Variants in ZC3H12B observed in about 807,000 individuals in gnomAD.
ZC3H12B encodes the protein probable ribonuclease ZC3H12B.
ZC3H12B carries 7 observed loss-of-function variants against 43.9 expected under a neutral mutation model. The ratio of observed to expected loss-of-function variants is 0.16; its 90% CI spans 0.09 to 0.30. ZC3H12B has a LOEUF of 0.30. Ranked by LOEUF, ZC3H12B falls within the 10% of genes least tolerant of loss-of-function variation. The probability of loss-of-function intolerance (pLI) is 1.00; values close to 1 mark genes in which losing one functional copy is unlikely to be tolerated. For synonymous variants in ZC3H12B, 222 were observed against 241.7 expected (o/e 0.92, Z 0.76); for missense variants, 475 against 670.2 (o/e 0.71, Z 3.22).
At chrX:65,430,809 G>A (rs969775456) in intron 3 of ZC3H12B, among the ~76,000 whole-genome samples, 1 of 111,123 alleles carries the variant, frequency 9.0e-6, no homozygotes, top group Admixed American at 9.5e-5. Flanking sequence ...GGCTGAGGAT[G>A]GGGGTTCACT....
chrX:65,368,393 G>C (rs911434272), intron 1 of ZC3H12B, among the ~76,000 whole-genome samples: 17 of 111,608 alleles, frequency 1.5e-4, no homozygotes, highest in African/African-American at 5.5e-4. Context: ...TACCTAATCT[G>C]TAAATCATAG....
At chrX:65,218,639 C>A in the ZC3H12B span, among the ~76,000 whole-genome samples, 2 of 110,719 alleles carry the variant, frequency 1.8e-5, no homozygotes, top group African/African-American at 6.6e-5. Flanking sequence ...AACCACACCC[C>A]CATCCCCCAC....
the ZC3H12B span, among the ~76,000 whole-genome samples, chrX:65,068,252 A>C: frequency 9.1e-6 from 1 of 109,724 alleles, no homozygotes; most frequent in Non-Finnish European, 1.9e-5. Context: ...CTGATAAGTA[A>C]GAACTCCTGC....
At chrX:65,133,954 A>G in the ZC3H12B span, among the ~76,000 whole-genome samples, 1 of 111,477 alleles carries the variant, frequency 9.0e-6, no homozygotes, top group Non-Finnish European at 1.9e-5. Context: ...CAGGTCTTGT[A>G]AAATGGAGAA....
the ZC3H12B span, among the ~76,000 whole-genome samples, chrX:65,089,514 T>G: frequency 2.1e-4 from 23 of 112,103 alleles, no homozygotes; most frequent in Admixed American, 2.2e-3. Context: ...TGTGAAGGCC[T>G]GCTACATTAC....
At chrX:65,471,986 C>CA (rs2067921610) in intron 3 of ZC3H12B, among the ~76,000 whole-genome samples, 1 of 111,753 alleles carries the variant, frequency 8.9e-6, no homozygotes, top group South Asian at 3.7e-4. Flanking sequence ...ACTCCTTTAG[C>CA]ATTTCTTGTA....
chrX:65,383,619 A>C (rs2066476565), intron 2 of ZC3H12B, among the ~76,000 whole-genome samples: 1 of 111,185 alleles, frequency 9.0e-6, no homozygotes, highest in African/African-American at 3.3e-5. Context: ...TAATTAAACT[A>C]AAGAGCTTCT....
chrX:65,408,517 T>C, intron 3 of ZC3H12B: 2 of 1,207,754 alleles, frequency 1.7e-6, no homozygotes, highest in Non-Finnish European at 2.2e-6. Context: ...CCCTTACGCC[T>C]CACCCTTCGG....
chrX:65,048,580 T>G, the ZC3H12B span, among the ~76,000 whole-genome samples: 1 of 111,577 alleles, frequency 9.0e-6, no homozygotes, highest in Non-Finnish European at 1.9e-5. Flanking sequence ...ATTTCCTTTT[T>G]AAAGTAAATT....
chrX:65,335,996 T>G, the ZC3H12B span, among the ~76,000 whole-genome samples: 1 of 111,741 alleles, frequency 8.9e-6, no homozygotes, highest in Non-Finnish European at 1.9e-5. Context: ...ACTGACCAGT[T>G]TGCTAGGCCA....
the ZC3H12B span, among the ~76,000 whole-genome samples, chrX:65,309,657 A>T: frequency 3.6e-5 from 4 of 112,347 alleles, no homozygotes; most frequent in South Asian, 1.1e-3. Context: ...TGCCAGCATC[A>T]TTCTGATACC....
the ZC3H12B span, among the ~76,000 whole-genome samples, chrX:65,342,071 T>C: frequency 1.8e-5 from 2 of 110,044 alleles, no homozygotes; most frequent in Admixed American, 9.7e-5. Context: ...TAGAGAAAGA[T>C]CTACCAAGCA....
the ZC3H12B span, among the ~76,000 whole-genome samples, chrX:65,141,765 GT>G: frequency 1.8e-4 from 20 of 111,338 alleles, no homozygotes; most frequent in Non-Finnish European, 3.2e-4. Context: ...AACATACGAT[GT>G]TTGGTTTTCC....
At chrX:65,330,785 G>T in the ZC3H12B span, 1 of 155,028 alleles carries the variant, frequency 6.5e-6, no homozygotes. Flanking sequence ...GCTTTTTGAT[G>T]TGTTGCTGGA....
the ZC3H12B span, among the ~76,000 whole-genome samples, chrX:65,310,774 G>T: frequency 8.9e-6 from 1 of 111,834 alleles, no homozygotes; most frequent in Non-Finnish European, 1.9e-5. Flanking sequence ...AACCAAAACA[G>T]CATGGTACTG....
At chrX:65,172,208 A>G in the ZC3H12B span, among the ~76,000 whole-genome samples, 1 of 112,282 alleles carries the variant, frequency 8.9e-6, no homozygotes, top group Middle Eastern at 4.6e-3. Context: ...TTTTTTTCAT[A>G]TGTTTATTGG....
the ZC3H12B span, among the ~76,000 whole-genome samples, chrX:65,151,624 T>G: frequency 9.0e-6 from 1 of 111,713 alleles, no homozygotes; most frequent in South Asian, 3.7e-4. Flanking sequence ...AACTTTGTGG[T>G]TTTTTTCTTC....
At chrX:65,255,344 A>G in the ZC3H12B span, among the ~76,000 whole-genome samples, 61 of 112,062 alleles carry the variant, frequency 5.4e-4, no homozygotes, top group African/African-American at 1.9e-3. Context: ...GTATCAGGCT[A>G]CCAGTGGAAC....
the ZC3H12B span, among the ~76,000 whole-genome samples, chrX:65,187,656 T>A: frequency 5.1e-5 from 5 of 98,781 alleles, no homozygotes; most frequent in African/African-American, 1.8e-4. Context: ...TTGATTTTAC[T>A]TTTTTTTTTT....
Sources: allele counts gnomAD v4.1 joint callset (sites outside exome capture counted in the v4.1 genomes callset), GRCh38; gene constraint gnomAD v4.1.1; transcripts MANE v1.5; gene names NCBI Gene and HGNC (gene_info 2026-07-23, HGNC 2026-07-21).